Variants in YIPF4 observed in about 807,000 individuals in gnomAD.
The protein encoded by YIPF4 is protein YIPF4.
In YIPF4, 18 loss-of-function variants were observed where a neutral mutation model predicts 29.4. The ratio of observed to expected loss-of-function variants is 0.61; its 90% CI spans 0.42 to 0.91. YIPF4 has a LOEUF of 0.91. Among genes scored for constraint, YIPF4 ranks in the 40% least tolerant of loss-of-function variants. YIPF4 has a pLI of 0.00. For missense variants in YIPF4, 279 were observed against 282.7 expected (o/e 0.99, Z 0.09); for synonymous variants, 115 against 104.7 (o/e 1.10, Z -0.60).
intron 3 of YIPF4, among the ~76,000 whole-genome samples, chr2:32,296,452 C>T (rs527583379): frequency 2.8e-5 from 4 of 143,768 alleles, no homozygotes; most frequent in East Asian, 2.0e-4. Flanking sequence ...GCCTGGGTGA[C>T]AGAGCAAGAC....
intron 5 of YIPF4, 64 bp downstream of exon 5, chr2:32,301,559 C>T: frequency 9.1e-7 from 1 of 1,104,136 alleles, no homozygotes; most frequent in Non-Finnish European, 1.3e-6. Context: ...TACTAGGCCT[C>T]TAGCTAGGAA....
intron 1 of YIPF4, among the ~76,000 whole-genome samples, chr2:32,289,105 A>T (rs746615754): frequency 4.6e-5 from 7 of 152,236 alleles, no homozygotes; most frequent in Non-Finnish European, 7.3e-5. Context: ...GATAACATGT[A>T]CAGGGATTAT....
intron 4 of YIPF4, among the ~76,000 whole-genome samples, chr2:32,301,090 A>C (rs375653593): frequency 5.3e-5 from 8 of 152,320 alleles, no homozygotes; most frequent in Middle Eastern, 3.4e-3. Context: ...ACAAAATGTA[A>C]TGTAGAGATA....
intron 1 of YIPF4, among the ~76,000 whole-genome samples, chr2:32,279,436 C>T (rs556434744): frequency 3.6e-4 from 42 of 118,204 alleles, no homozygotes; most frequent in Non-Finnish European, 5.9e-4. Context: ...CTCGCTCTGT[C>T]GCCCAGGCTG....
In YIPF4 at chr2:32,313,989, C is replaced by T. The variant is rs1450593508; in HGVS notation, c.*8363C>T. The T allele has an allele frequency of 6.6e-6, 1 of 152,236 alleles. No individual in the cohort carries two copies. The highest frequency in any genetic ancestry group is 1.5e-5 in the Non-Finnish European group (1 of 68,058). The allele number at this position is 152,236 out of a possible 1,614,324, so 9.4% of individuals were successfully genotyped here. On this transcript the variant is annotated 3_prime_UTR_variant, in exon 6 of 6. Transcript: ENST00000238831. ...GATTATAGGCATGAACCACTGCGCC[C>T]AGCCAGAAACGTGCTTTTAATACTA...
At chr2:32,297,852 A>G (rs2031253762) in intron 3 of YIPF4, among the ~76,000 whole-genome samples, 2 of 152,172 alleles carry the variant, frequency 1.3e-5, no homozygotes, top group African/African-American at 4.8e-5. Flanking sequence ...CCATTACTTG[A>G]ATAAATATGT....
intron 4 of YIPF4, among the ~76,000 whole-genome samples, chr2:32,299,513 C>T (rs1323071859): frequency 1.3e-5 from 2 of 152,146 alleles, no homozygotes; most frequent in Admixed American, 1.3e-4. Flanking sequence ...GGTGAATATT[C>T]TCTGATATCA....
In YIPF4 at chr2:32,294,486, G is replaced by A. The variant is rs2031086743; in HGVS notation, c.405+2138G>A. 2.6e-5 allele frequency among the ~76,000 whole-genome samples: 4 copies of A among 151,694 alleles called. No individual in the cohort carries two copies. The South Asian group carries it at 6.3e-4, about 24-fold the overall frequency. On this transcript the variant is annotated intron_variant, in intron 3 of 5. Transcript: ENST00000238831. ...AGACGATGGGCGGCCGGGCAGAGAC[G>A]CTCCTCGCTTCCTAGATGGGATGGC... is the stretch of plus-strand genomic sequence containing the variant.
At chr2:32,280,371 C>G (rs147814279) in intron 1 of YIPF4, among the ~76,000 whole-genome samples, 1,823 of 147,656 alleles carry the variant, frequency 0.012, 28 homozygotes, top group Non-Finnish European at 0.019. Flanking sequence ...ATCTTGTGAT[C>G]CGCCCAGGCT....
intron 1 of YIPF4, among the ~76,000 whole-genome samples, chr2:32,284,947 G>A (rs2030601758): frequency 6.6e-6 from 1 of 152,082 alleles, no homozygotes; most frequent in Non-Finnish European, 1.5e-5. Flanking sequence ...CTGGGGGAGG[G>A]AGATGAAGGA....
At position 32,307,948 on chromosome 2, in the gene YIPF4, A is replaced by AAC; in HGVS notation, c.*2323_*2324insCA. 6.6e-6 allele frequency: 1 copy of AAC among 151,434 alleles called. No individual in the cohort carries two copies. Among genetic ancestry groups the AAC allele is most frequent in the African/African-American group, 2.4e-5 (1 of 41,372 alleles). 9.4% of individuals were successfully genotyped at this position (151,434 alleles called of 1,614,324 possible). On this transcript the variant is annotated 3_prime_UTR_variant, in exon 6 of 6. Coordinates refer to ENST00000238831, the MANE Select transcript of YIPF4 (RefSeq NM_032312.4). ...TCTCTCAAAAAAAAAAAAAAAAAAA[A>AAC]AAAAAACCATGATTTGTAGATGTGT...
chr2:32,292,915 G>GTAAA (rs922993312), intron 3 of YIPF4, among the ~76,000 whole-genome samples: 5 of 150,752 alleles, frequency 3.3e-5, no homozygotes, highest in Non-Finnish European at 5.9e-5. Flanking sequence ...GCACACTGGG[G>GTAAA]TAAATGAATA....
chr2:32,280,120 A>AAT (rs372016530), intron 1 of YIPF4, among the ~76,000 whole-genome samples: 3,312 of 120,334 alleles, frequency 0.028, 41 homozygotes, highest in African/African-American at 0.038. Context: ...GTGCCCAGCT[A>AAT]ATATATATAT....
intron 5 of YIPF4, among the ~76,000 whole-genome samples, chr2:32,303,844 T>C (rs891130142): frequency 6.6e-6 from 1 of 152,226 alleles, no homozygotes; most frequent in Non-Finnish European, 1.5e-5. Context: ...AGCAGACATT[T>C]AATTATTCCT....
rs748753320 is a variant in YIPF4, at chr2:32,290,480, A to G, written c.80-3A>G. On this transcript the variant is annotated splice_region_variant and splice_polypyrimidine_tract_variant and intron_variant, in intron 1 of 5. Coordinates refer to ENST00000238831, the MANE Select transcript of YIPF4 (RefSeq NM_032312.4). ...ATATAGTTTTATCCTCTTTTCTCCTAAGATCTCAGTGGTTCAATAGCATCC... is the reference window on the plus strand; with the variant it reads ...ATATAGTTTTATCCTCTTTTCTCCTGAGATCTCAGTGGTTCAATAGCATCC... 4 of 1,511,982 alleles carry G rather than the reference A, an allele frequency of 2.6e-6. No individual in the cohort carries two copies. The Admixed American group carries it at 6.4e-5, about 24-fold the overall frequency. 93.7% of individuals were successfully genotyped at this position (1,511,982 alleles called of 1,614,324 possible).
rs914112277 is a variant in YIPF4, at chr2:32,310,909, G to C, written c.*5283G>C. 3 of 151,938 alleles carry C rather than the reference G, an allele frequency of 2.0e-5. No individual in the cohort carries two copies. The highest frequency in any genetic ancestry group is 4.4e-5 in the Non-Finnish European group (3 of 67,998). The allele number at this position is 151,938 out of a possible 1,614,324, so 9.4% of individuals were successfully genotyped here. On this transcript the variant is annotated 3_prime_UTR_variant, in exon 6 of 6. Transcript: ENST00000238831. ...AAAAAAAAGTAAAAATTGCATGTAA[G>C]TTGACCCGCACTATTCAAATTTGTG...
rs1312519764 is a variant in YIPF4, at chr2:32,301,433, A to G, written c.535A>G (p.Ile179Val). The change falls in exon 5 of 6, where the codon ATT becomes GTT. Residue 179 changes from isoleucine to valine, a missense_variant. By Grantham distance (29) the Ile-to-Val change is conservative. Coordinates refer to ENST00000238831, the MANE Select transcript of YIPF4 (RefSeq NM_032312.4). ...GVIGYSLLPL[I>V]VIAPVLLVVG... is the part of the protein sequence containing the mutation. ...TATAGGATATTCATTACTTCCTCTC[A>G]TTGTAATAGCCCCTGTACTTTTGGT... The G allele has an allele frequency of 6.8e-6, 11 of 1,613,750 alleles. No homozygotes were observed. Among genetic ancestry groups the G allele is most frequent in the Non-Finnish European group, 9.3e-6 (11 of 1,179,858 alleles).
Position 32,316,046 on chromosome 2 carries a change from A to AAAAC in YIPF4, c.*10423_*10424insCAAA, listed in dbSNP as rs2031826588. ...AAAGGAAAAAAAAAAAAAAACCAAA[A>AAAAC]AAAAAAAAAAAGTATAAAGCACAGA... On this transcript the variant is annotated 3_prime_UTR_variant, in exon 6 of 6. Coordinates refer to ENST00000238831, the MANE Select transcript of YIPF4 (RefSeq NM_032312.4). 6.8e-6 allele frequency: 1 copy of AAAAC among 146,896 alleles called. No homozygotes were observed. The highest frequency in any genetic ancestry group is 2.5e-5 in the African/African-American group (1 of 40,526). The allele number at this position is 146,896 out of a possible 1,614,324, so 9.1% of individuals were successfully genotyped here.
rs1254887888 is a variant in YIPF4, at chr2:32,305,725, T to G, written c.*99T>G. Reference sequence around the variant, plus strand: ...GGAGAAAACCTGTTGCTGCAAAATTTTACATGTTCCAGATGGAAAGGGAAG... The same window carrying G: ...GGAGAAAACCTGTTGCTGCAAAATTGTACATGTTCCAGATGGAAAGGGAAG... On this transcript the variant is annotated 3_prime_UTR_variant, in exon 6 of 6. Transcript: ENST00000238831. 3 of 1,310,628 alleles carry G rather than the reference T, an allele frequency of 2.3e-6. No individual in the cohort carries two copies. Among genetic ancestry groups the G allele is most frequent in the Non-Finnish European group, 2.9e-6 (3 of 1,028,850 alleles). 81.2% of individuals were successfully genotyped at this position (1,310,628 alleles called of 1,614,324 possible).
Sources: allele counts gnomAD v4.1 joint callset (sites outside exome capture counted in the v4.1 genomes callset), GRCh38; gene constraint gnomAD v4.1.1; transcripts MANE v1.5; gene names NCBI Gene and HGNC (gene_info 2026-07-23, HGNC 2026-07-21).